DIP2C: variants seen among roughly 807,000 people sequenced by gnomAD.
DIP2C encodes disco-interacting protein 2 homolog C.
In DIP2C, 33 loss-of-function variants were observed where a neutral mutation model predicts 192.4. That is an observed-to-expected ratio of 0.17 (90% CI 0.13 to 0.23). DIP2C has a LOEUF of 0.23. Ranked by LOEUF, DIP2C falls within the 10% of genes least tolerant of loss-of-function variation. The pLI is 1.00. For synonymous variants in DIP2C, 979 were observed against 864.1 expected (o/e 1.13, Z -2.33); for missense variants, 1,537 against 2,110.1 (o/e 0.73, Z 5.32).
chr10:366,719 C>G (rs1470095404), intron 18 of DIP2C, among the ~76,000 whole-genome samples: 1 of 152,176 alleles, frequency 6.6e-6, no homozygotes, highest in East Asian at 1.9e-4. Flanking sequence ...AACCTCAGAA[C>G]TAACATCAGG....
At chr10:516,122 T>C (rs934019316) in intron 1 of DIP2C, among the ~76,000 whole-genome samples, 1 of 149,998 alleles carries the variant, frequency 6.7e-6, no homozygotes. Context: ...CTTGGGTCTC[T>C]GTACCTTTGT....
rs537949586 is a variant in DIP2C, at chr10:445,806, G to A, written c.269-4810C>T. Among the ~76,000 whole-genome samples, 28 of 149,936 alleles carry A rather than the reference G, an allele frequency of 1.9e-4. No individual in the cohort carries two copies. The East Asian group carries it at 4.0e-3, about 21-fold the overall frequency. On this transcript the variant is annotated intron_variant, in intron 3 of 36. Coordinates refer to ENST00000280886, the MANE Select transcript of DIP2C (RefSeq NM_014974.3). Reference sequence around the variant, plus strand: ...ATACATCTGTTGTGAAGAGTCTCACGGTCCACTGGGCATCTGTATACATCT... The same window carrying A: ...ATACATCTGTTGTGAAGAGTCTCACAGTCCACTGGGCATCTGTATACATCT...
intron 1 of DIP2C, among the ~76,000 whole-genome samples, chr10:515,879 C>T (rs1846319849): frequency 6.6e-6 from 1 of 152,212 alleles, no homozygotes; most frequent in East Asian, 1.9e-4. Flanking sequence ...AAACACCTGC[C>T]ATCAACCCAC....
intron 32 of DIP2C, among the ~76,000 whole-genome samples, chr10:297,241 T>TACACACACACACACACACACACACACAC (rs140637166): frequency 3.5e-5 from 4 of 115,550 alleles, no homozygotes; most frequent in African/African-American, 1.4e-4. Context: ...CCCCACCACA[T>TACACACACACACACACACACACACACAC]ACACACACAC....
At chr10:497,718 G>A (rs1240256381) in intron 1 of DIP2C, among the ~76,000 whole-genome samples, 1 of 152,156 alleles carries the variant, frequency 6.6e-6, no homozygotes, top group African/African-American at 2.4e-5. Flanking sequence ...GTAATGTTAG[G>A]GCACCTGGCT....
At chr10:503,771 C>T (rs190001106) in intron 1 of DIP2C, among the ~76,000 whole-genome samples, 1 of 152,328 alleles carries the variant, frequency 6.6e-6, no homozygotes, top group Admixed American at 6.5e-5. Flanking sequence ...CGCATTTTTA[C>T]ATCTTTCAGG....
At chr10:598,800 G>C (rs955724140) in intron 1 of DIP2C, among the ~76,000 whole-genome samples, 4 of 152,228 alleles carry the variant, frequency 2.6e-5, no homozygotes, top group Non-Finnish European at 5.9e-5. Flanking sequence ...CAGAAGGCCT[G>C]GCCCCAGCCC....
intron 1 of DIP2C, among the ~76,000 whole-genome samples, chr10:606,347 C>G (rs1439625916): frequency 6.6e-6 from 1 of 152,158 alleles, no homozygotes; most frequent in Non-Finnish European, 1.5e-5. Flanking sequence ...GCCGTAATTA[C>G]CTGCTGTGAT....
chr10:504,408 G>T lies in DIP2C; in HGVS notation c.86-17878C>A, dbSNP rs552049630. Among the ~76,000 whole-genome samples the T allele has an allele frequency of 1.0e-3, 159 of 152,266 alleles. 1 individual carries two copies. Among genetic ancestry groups the T allele is most frequent in the African/African-American group, 3.6e-3 (149 of 41,552 alleles). ...AACTATTCCAGGCACGAACTACCTG[G>T]AAGTCCTGGGAGAGAAACCCAGCAC... On this transcript the variant is annotated intron_variant, in intron 1 of 36. Coordinates refer to ENST00000280886, the MANE Select transcript of DIP2C (RefSeq NM_014974.3).
intron 32 of DIP2C, among the ~76,000 whole-genome samples, chr10:296,443 CTG>C (rs748533981): frequency 7.9e-5 from 12 of 152,074 alleles, no homozygotes; most frequent in Non-Finnish European, 1.8e-4. Context: ...GTTGGTGGGA[CTG>C]TAAACTAGTT....
intron 3 of DIP2C, 90 bp downstream of exon 3, chr10:472,349 G>A (rs746666369): frequency 6.7e-5 from 83 of 1,236,962 alleles, no homozygotes; most frequent in Non-Finnish European, 8.9e-5. Flanking sequence ...CACGCCCACT[G>A]CACTTCTGCC....
chr10:679,308 G>T (rs376882643), intron 1 of DIP2C, among the ~76,000 whole-genome samples: 34 of 568 alleles, frequency 0.06, 2 homozygotes, highest in Non-Finnish European at 0.15. Context: ...CCCACGCCCA[G>T]GCTCCCCGCA....
intron 1 of DIP2C, among the ~76,000 whole-genome samples, chr10:577,242 G>A (rs369891345): frequency 2.6e-5 from 4 of 152,202 alleles, no homozygotes; most frequent in African/African-American, 7.2e-5. Context: ...ATGACCTCCA[G>A]TTAAGTCACT....
chr10:452,513 T>C lies in DIP2C; in HGVS notation c.269-11517A>G, dbSNP rs182750743. Among the ~76,000 whole-genome samples, 1,117 of 152,296 alleles carry C rather than the reference T, an allele frequency of 7.3e-3. 9 individuals carry two copies. The highest frequency in any genetic ancestry group is 0.011 in the Non-Finnish European group (771 of 68,030). ...TGTGCTAAGTTGTTGCTGTGTTTAA[T>C]AATCCCAGTCCAACTCAAAATATCC... On this transcript the variant is annotated intron_variant, in intron 3 of 36. Transcript: ENST00000280886.
intron 32 of DIP2C, among the ~76,000 whole-genome samples, chr10:304,922 T>C (rs1396426321): frequency 1.3e-5 from 2 of 152,072 alleles, no homozygotes; most frequent in Admixed American, 6.5e-5. Flanking sequence ...TGCACAAATA[T>C]CTGCTACATA....
intron 1 of DIP2C, among the ~76,000 whole-genome samples, chr10:487,786 C>T (rs909178975): frequency 6.6e-6 from 1 of 152,022 alleles, no homozygotes; most frequent in Non-Finnish European, 1.5e-5. Context: ...ACCATGTTAG[C>T]CAGGATGATC....
intron 1 of DIP2C, among the ~76,000 whole-genome samples, chr10:554,250 G>A (rs906679392): frequency 1.3e-5 from 2 of 152,134 alleles, no homozygotes; most frequent in Admixed American, 6.5e-5. Context: ...ATACATCATA[G>A]GAGAAAAAGT....
chr10:366,017 A>C (rs915751156), intron 19 of DIP2C, among the ~76,000 whole-genome samples: 2 of 152,238 alleles, frequency 1.3e-5, no homozygotes, highest in Non-Finnish European at 2.9e-5. Flanking sequence ...TTCACAGTAA[A>C]AGTGAGAAAA....
chr10:592,900 T>C (rs2131645755), intron 1 of DIP2C, among the ~76,000 whole-genome samples: 1 of 152,286 alleles, frequency 6.6e-6, no homozygotes. Flanking sequence ...ACTGGGTATT[T>C]GGAAACTTCT....
Sources: gnomAD v4.1 joint callset for allele counts (sites outside exome capture counted in the v4.1 genomes callset) on GRCh38, gnomAD v4.1.1 for gene constraint, MANE v1.5 for transcripts, NCBI Gene and HGNC (gene_info 2026-07-23, HGNC 2026-07-21) for gene names.